Variants in RPTOR observed in about 807,000 individuals in gnomAD.
RPTOR encodes regulatory associated protein of MTOR complex 1, also known as regulatory-associated protein of mTOR.
A neutral mutation model predicts 169.9 loss-of-function variants in RPTOR; 21 were observed. The observed-to-expected ratio is 0.12, with a 90% CI of 0.09 to 0.18. RPTOR has a LOEUF of 0.18. RPTOR is among the 10% of genes least tolerant of loss of function. RPTOR has a pLI of 1.00. For missense variants in RPTOR, 1,133 were observed against 1,855.9 expected (o/e 0.61, Z 7.16); for synonymous variants, 732 against 753.2 (o/e 0.97, Z 0.46).
intron 28 of RPTOR, 88 bp downstream of exon 28, chr17:80,949,635 T>C: frequency 2.8e-6 from 3 of 1,076,986 alleles, no homozygotes; most frequent in Non-Finnish European, 4.3e-6. Flanking sequence ...TGGGGCTGTC[T>C]CTAAACAGGC....
intron 19 of RPTOR, among the ~76,000 whole-genome samples, chr17:80,893,076 G>C (rs1399607712): frequency 6.6e-6 from 1 of 152,246 alleles, no homozygotes; most frequent in African/African-American, 2.4e-5. Flanking sequence ...TAGCCAGCGG[G>C]CCCGTTACCA....
chr17:80,681,467 C>T (rs141381962), intron 3 of RPTOR, among the ~76,000 whole-genome samples: 33 of 152,276 alleles, frequency 2.2e-4, no homozygotes, highest in African/African-American at 7.2e-4. Flanking sequence ...GGGCACCTCG[C>T]GCTGTGGGTG....
intron 1 of RPTOR, among the ~76,000 whole-genome samples, chr17:80,618,814 T>TG (rs1212673821): frequency 6.6e-6 from 1 of 152,184 alleles, no homozygotes; most frequent in Non-Finnish European, 1.5e-5. Flanking sequence ...CTAACACAGT[T>TG]GCTGCTGGTG....
rs564137091 is a variant in RPTOR at position 80,668,293 on chromosome 17, A to T, written c.348+24483A>T. The stretch of plus-strand genomic sequence containing the variant: ...GTTTCTTCCATCTCCATCCATTTTT[A>T]CTCATTACTAGCCTTTATAAAGTAC... On this transcript the variant is annotated intron_variant, in intron 3 of 33. Coordinates refer to ENST00000306801, the MANE Select transcript of RPTOR (RefSeq NM_020761.3). Among the ~76,000 whole-genome samples the T allele has an allele frequency of 4.9e-4, 74 of 152,114 alleles. No homozygotes were observed. In the South Asian group the frequency reaches 0.014, roughly 29 times the overall value.
At chr17:80,884,046 G>A (rs560525032) in intron 16 of RPTOR, 74 bp downstream of exon 16, 190 of 1,480,684 alleles carry the variant, frequency 1.3e-4, no homozygotes, top group Non-Finnish European at 1.5e-4. Flanking sequence ...GTCTGCTCGC[G>A]TGCGGGTGTG....
At chr17:80,714,192 C>T (rs1292088902) in intron 4 of RPTOR, among the ~76,000 whole-genome samples, 2 of 152,196 alleles carry the variant, frequency 1.3e-5, no homozygotes, top group African/African-American at 2.4e-5. Flanking sequence ...CTGCCGGCCT[C>T]GGCCTCCTAA....
chr17:80,937,707 A>G (rs894514832), intron 24 of RPTOR, among the ~76,000 whole-genome samples: 1 of 152,210 alleles, frequency 6.6e-6, no homozygotes, highest in African/African-American at 2.4e-5. Context: ...GAAGAGAAAC[A>G]GGTGGAGAGG....
At chr17:80,553,449 C>A (rs2143218631) in intron 1 of RPTOR, among the ~76,000 whole-genome samples, 1 of 152,332 alleles carries the variant, frequency 6.6e-6, no homozygotes, top group African/African-American at 2.4e-5. Context: ...GAAATTTGAA[C>A]CTTCAAGTGA....
At chr17:80,867,146 A>G (rs1008051690) in intron 13 of RPTOR, among the ~76,000 whole-genome samples, 2 of 152,196 alleles carry the variant, frequency 1.3e-5, no homozygotes, top group Admixed American at 1.3e-4. Context: ...AATGCTATTT[A>G]AAAACAAAAC....
chr17:80,612,494 G>A (rs80015960), intron 1 of RPTOR, among the ~76,000 whole-genome samples: 3,844 of 152,260 alleles, frequency 0.025, 191 homozygotes, highest in African/African-American at 0.088. Context: ...ATTAAATTCT[G>A]TGTTGTAAAT....
At chr17:80,858,928 CTGTGGTTTATAAACAT>C (rs1227843920) in intron 13 of RPTOR, among the ~76,000 whole-genome samples, 1 of 152,330 alleles carries the variant, frequency 6.6e-6, no homozygotes, top group Admixed American at 6.5e-5. Context: ...AAGAATGAAG[CTGTGGTTTATAAACAT>C]TGCCTGGCCT....
intron 6 of RPTOR, among the ~76,000 whole-genome samples, chr17:80,762,717 C>T (rs1280574941): frequency 6.6e-6 from 1 of 151,916 alleles, no homozygotes; most frequent in Non-Finnish European, 1.5e-5. Flanking sequence ...TGGATAGAGC[C>T]AAGAATAAAC....
intron 24 of RPTOR, among the ~76,000 whole-genome samples, chr17:80,932,617 C>T (rs2068911502): frequency 6.6e-6 from 1 of 151,594 alleles, no homozygotes; most frequent in South Asian, 2.1e-4. Context: ...CTCAAATAGC[C>T]AAGGAAAAAA....
chr17:80,924,463 G>A (rs1011239439), intron 23 of RPTOR, among the ~76,000 whole-genome samples: 1 of 152,110 alleles, frequency 6.6e-6, no homozygotes, highest in East Asian at 1.9e-4. Context: ...GAGCAGGAAC[G>A]GCCATGTTGG....
intron 24 of RPTOR, among the ~76,000 whole-genome samples, chr17:80,930,378 C>T (rs561463378): frequency 0.12 from 307 of 2,472 alleles, 2 homozygotes; most frequent in African/African-American, 0.29. Flanking sequence ...AGCTCATCCC[C>T]AGCTCAGCTC....
intron 6 of RPTOR, among the ~76,000 whole-genome samples, chr17:80,776,447 C>A (rs191869825): frequency 1.3e-5 from 2 of 151,296 alleles, no homozygotes; most frequent in South Asian, 4.2e-4. Context: ...CCTCAGACTC[C>A]CAAGTAGCTG....
chr17:80,821,628 C>T (rs1370075610), intron 7 of RPTOR, among the ~76,000 whole-genome samples: 1 of 152,180 alleles, frequency 6.6e-6, no homozygotes, highest in East Asian at 1.9e-4. Flanking sequence ...TCACTTGCCA[C>T]CTCTAATGTG....
At chr17:80,599,765 C>T (rs1450702429) in intron 1 of RPTOR, among the ~76,000 whole-genome samples, 2 of 152,128 alleles carry the variant, frequency 1.3e-5, no homozygotes, top group Admixed American at 6.5e-5. Context: ...AAGGAGGGAA[C>T]GTGTCATTGC....
intron 3 of RPTOR, among the ~76,000 whole-genome samples, chr17:80,672,751 C>T: frequency 6.6e-6 from 1 of 152,094 alleles, no homozygotes; most frequent in East Asian, 2.0e-4. Flanking sequence ...GATCGCGTCA[C>T]TGCACTCCAG....
Sources: gnomAD v4.1 joint callset for allele counts (sites outside exome capture counted in the v4.1 genomes callset) on GRCh38, gnomAD v4.1.1 for gene constraint, MANE v1.5 for transcripts, NCBI Gene and HGNC (gene_info 2026-07-23, HGNC 2026-07-21) for gene names.